Variants in KCNK10 observed in about 807,000 individuals in gnomAD.
The protein encoded by KCNK10 is potassium channel subfamily K member 10.
A neutral mutation model predicts 47.7 loss-of-function variants in KCNK10; 25 were observed. The observed-to-expected ratio is 0.52, with a 90% confidence interval of 0.38 to 0.73. The LOEUF (loss-of-function observed/expected upper bound fraction) is 0.73, where lower values mean the gene tolerates loss of function less well. Among genes scored for constraint, KCNK10 ranks in the 30% least tolerant of loss-of-function variants. The probability of loss-of-function intolerance (pLI) is 0.00; values close to 1 mark genes in which losing one functional copy is unlikely to be tolerated. For missense variants in KCNK10, 563 were observed against 714.5 expected (o/e 0.79, Z 2.42); for synonymous variants, 303 against 285.6 (o/e 1.06, Z -0.61).
intron 1 of KCNK10, among the ~76,000 whole-genome samples, chr14:88,304,511 G>C (rs1345931796): frequency 6.6e-6 from 1 of 152,168 alleles, no homozygotes; most frequent in Non-Finnish European, 1.5e-5. Context: ...CATGCACACA[G>C]CAGTGAAAAA....
intron 4 of KCNK10, among the ~76,000 whole-genome samples, chr14:88,195,879 C>G (rs561299507): frequency 6.6e-6 from 1 of 152,328 alleles, no homozygotes; most frequent in Non-Finnish European, 1.5e-5. Flanking sequence ...CAGAATGGAG[C>G]TGTGTTTCCA....
chr14:88,197,378 C>T (rs962807487), intron 4 of KCNK10, among the ~76,000 whole-genome samples: 2 of 151,748 alleles, frequency 1.3e-5, no homozygotes, highest in Non-Finnish European at 1.5e-5. Flanking sequence ...TCAAGACCTG[C>T]CTGGCCAACA....
chr14:88,243,676 T>C (rs1026511475), intron 2 of KCNK10, among the ~76,000 whole-genome samples: 1 of 151,554 alleles, frequency 6.6e-6, no homozygotes, highest in Non-Finnish European at 1.5e-5. Context: ...AATTAAAGAA[T>C]AAATTAATTA....
intron 2 of KCNK10, among the ~76,000 whole-genome samples, chr14:88,255,583 G>C (rs763083607): frequency 4.6e-5 from 7 of 151,630 alleles, no homozygotes; most frequent in African/African-American, 7.3e-5. Context: ...TCCACCTGTA[G>C]TCCCACAGAC....
intron 1 of KCNK10, among the ~76,000 whole-genome samples, chr14:88,274,544 C>CT (rs1278781983): frequency 6.5e-4 from 1 of 1,528 alleles, no homozygotes; most frequent in Non-Finnish European, 0.021. Flanking sequence ...GAGTGAGACT[C>CT]TATCTAAAAA....
At chr14:88,281,830 TTGTGTGTG>T (rs10541411) in intron 1 of KCNK10, among the ~76,000 whole-genome samples, 29 of 148,432 alleles carry the variant, frequency 2.0e-4, no homozygotes, top group Admixed American at 9.4e-4. Context: ...CAAGATACAT[TTGTGTGTG>T]TGTGTGTGTG....
intron 1 of KCNK10, among the ~76,000 whole-genome samples, chr14:88,316,159 T>C (rs1214637731): frequency 1.3e-5 from 2 of 151,922 alleles, no homozygotes; most frequent in East Asian, 1.9e-4. Context: ...TCTCCCTGGC[T>C]CTGGGAATGG....
At chr14:88,304,870 C>T (rs961547339) in intron 1 of KCNK10, among the ~76,000 whole-genome samples, 7 of 152,130 alleles carry the variant, frequency 4.6e-5, no homozygotes, top group African/African-American at 1.4e-4. Context: ...TAAACAGAAA[C>T]ACACATACAA....
chr14:88,244,373 T>C (rs1022499142), intron 2 of KCNK10, among the ~76,000 whole-genome samples: 3 of 152,300 alleles, frequency 2.0e-5, no homozygotes, highest in Admixed American at 1.3e-4. Flanking sequence ...GCATTTGCTT[T>C]TAAGATTTTT....
intron 1 of KCNK10, among the ~76,000 whole-genome samples, chr14:88,264,138 T>C (rs941948747): frequency 1.3e-5 from 2 of 152,218 alleles, no homozygotes; most frequent in African/African-American, 2.4e-5. Context: ...CTACTAGTAA[T>C]AGAATTTTTC....
intron 4 of KCNK10, among the ~76,000 whole-genome samples, chr14:88,225,374 C>A (rs1195376443): frequency 9.2e-5 from 14 of 152,138 alleles, no homozygotes; most frequent in Non-Finnish European, 2.9e-5. Flanking sequence ...GATGGTGCTG[C>A]AAGGAGCTGA....
intron 1 of KCNK10, among the ~76,000 whole-genome samples, chr14:88,309,845 T>G (rs1888274595): frequency 6.7e-6 from 1 of 149,182 alleles, no homozygotes; most frequent in South Asian, 2.1e-4. Context: ...GAGTTTAACA[T>G]GAGCAGAGCA....
chr14:88,286,507 G>A (rs1170160997), intron 1 of KCNK10, among the ~76,000 whole-genome samples: 5 of 152,114 alleles, frequency 3.3e-5, no homozygotes, highest in African/African-American at 1.2e-4. Context: ...GTTAAAACAA[G>A]ATTCTGAAGT....
intron 4 of KCNK10, among the ~76,000 whole-genome samples, chr14:88,204,166 C>T (rs140387567): frequency 1.2e-4 from 18 of 151,932 alleles, no homozygotes; most frequent in African/African-American, 4.1e-4. Context: ...TAGGAGAGAG[C>T]GAGAGGGAGA....
At chr14:88,310,640 C>T (rs919098328) in intron 1 of KCNK10, among the ~76,000 whole-genome samples, 1 of 152,196 alleles carries the variant, frequency 6.6e-6, no homozygotes, top group African/African-American at 2.4e-5. Flanking sequence ...ACTGCGTTCT[C>T]ACCCTGCCAG....
At chr14:88,204,781 A>C (rs1885211920) in intron 4 of KCNK10, among the ~76,000 whole-genome samples, 1 of 152,154 alleles carries the variant, frequency 6.6e-6, no homozygotes, top group Non-Finnish European at 1.5e-5. Context: ...AGAGAAAGGT[A>C]CAGAGATCTC....
At chr14:88,194,353 T>A (rs1280887881) in intron 4 of KCNK10, among the ~76,000 whole-genome samples, 1 of 152,216 alleles carries the variant, frequency 6.6e-6, no homozygotes, top group Non-Finnish European at 1.5e-5. Flanking sequence ...TAGTTTTGTT[T>A]GCAGAAATGT....
At chr14:88,270,669 A>C (rs1887383214) in intron 1 of KCNK10, 2 of 779,960 alleles carry the variant, frequency 2.6e-6, no homozygotes, top group South Asian at 2.7e-5. Context: ...GGGAGCTAGA[A>C]CTGCCTGCCA....
intron 4 of KCNK10, among the ~76,000 whole-genome samples, chr14:88,195,272 C>T (rs1007570424): frequency 1.3e-5 from 2 of 152,218 alleles, no homozygotes; most frequent in Non-Finnish European, 2.9e-5. Context: ...TTCTCAACCT[C>T]TCTGTGCATT....
Sources: gnomAD v4.1 joint callset for allele counts (sites outside exome capture counted in the v4.1 genomes callset) on GRCh38, gnomAD v4.1.1 for gene constraint, MANE v1.5 for transcripts, NCBI Gene and HGNC (gene_info 2026-07-23, HGNC 2026-07-21) for gene names.